The following PIEZO2 variants were observed in gnomAD, a reference collection of about 807,000 sequenced individuals.
The protein encoded by PIEZO2 is piezo-type mechanosensitive ion channel component 2.
In PIEZO2, 172 loss-of-function variants were observed where a neutral mutation model predicts 337.3. The observed-to-expected ratio is 0.51, with a 90% CI of 0.45 to 0.58. The LOEUF is 0.58. Ranked by LOEUF, PIEZO2 falls within the 20% of genes least tolerant of loss-of-function variation. The probability of loss-of-function intolerance (pLI) is 0.00; values close to 1 mark genes in which losing one functional copy is unlikely to be tolerated. For missense variants in PIEZO2, 3,028 were observed against 3,391.3 expected (o/e 0.89, Z 2.66); for synonymous variants, 1,251 against 1,228.5 (o/e 1.02, Z -0.38).
At chr18:10,714,660 T>C in intron 39 of PIEZO2, 104 bp downstream of exon 39, 1 of 1,327,378 alleles carries the variant, frequency 7.5e-7, no homozygotes, top group Non-Finnish European at 1.0e-6. Flanking sequence ...GGTCCATGCA[T>C]GGTTTTGATG....
chr18:11,144,762 G>A (rs553205237), intron 1 of PIEZO2, among the ~76,000 whole-genome samples: 17 of 152,280 alleles, frequency 1.1e-4, no homozygotes, highest in African/African-American at 4.1e-4. Flanking sequence ...CCTAAGCTCT[G>A]ATTGCCTGTT....
In PIEZO2 at chr18:10,973,803, A is replaced by T. The variant is rs1197940447; in HGVS notation, c.286+5732T>A. On this transcript the variant is annotated intron_variant, in intron 3 of 55. Coordinates refer to ENST00000674853, the MANE Select transcript of PIEZO2 (RefSeq NM_001378183.1). This position sits in a 1 kb window ranked among gnomAD's most constrained non-coding sequence, Gnocchi z 4.9. ...CAGCCAAGAGTGGTTTCAAAAAATG[A>T]CTCAGAACATGCAGGGTGTGAGTTT... 6.6e-6 allele frequency among the ~76,000 whole-genome samples: 1 copy of T among 152,152 alleles called. No individual in the cohort carries two copies. The highest frequency in any genetic ancestry group is 1.9e-4 in the East Asian group (1 of 5,194).
At chr18:10,907,026 T>A (rs2030001375) in intron 4 of PIEZO2, among the ~76,000 whole-genome samples, 1 of 152,210 alleles carries the variant, frequency 6.6e-6, no homozygotes, top group Non-Finnish European at 1.5e-5. Context: ...AACTTTGAAA[T>A]TTTATAATTT....
chr18:10,942,695 A>T lies in PIEZO2; in HGVS notation c.287-31467T>A, dbSNP rs932127591. ...CATTTTCTGTGGAGAAAATCAAGCC[A>T]CCTGCAGAAATTTGCATAAGTAATG... On this transcript the variant is annotated intron_variant, in intron 3 of 55. Coordinates refer to ENST00000674853, the MANE Select transcript of PIEZO2 (RefSeq NM_001378183.1). This position sits in a 1 kb window ranked among gnomAD's most constrained non-coding sequence, Gnocchi z 4.4. Among the ~76,000 whole-genome samples, 1 of 152,206 alleles carries T rather than the reference A, an allele frequency of 6.6e-6. No homozygotes were observed. Among genetic ancestry groups the T allele is most frequent in the Non-Finnish European group, 1.5e-5 (1 of 68,036 alleles).
chr18:10,831,800 T>C (rs1164484247), intron 7 of PIEZO2, among the ~76,000 whole-genome samples: 1 of 152,034 alleles, frequency 6.6e-6, no homozygotes, highest in African/African-American at 2.4e-5. Context: ...CCCACAAAAA[T>C]TAAAAATGAA....
chr18:11,014,890 T>G (rs2036053225), intron 2 of PIEZO2, among the ~76,000 whole-genome samples: 1 of 109,756 alleles, frequency 9.1e-6, no homozygotes, highest in Non-Finnish European at 1.8e-5. Flanking sequence ...CATTCCTCAG[T>G]GTGGGGAAGA....
rs547022265 is a variant in PIEZO2 at position 11,028,203 on chromosome 18, T to C, written c.160+37924A>G. On this transcript the variant is annotated intron_variant, in intron 2 of 55. Coordinates refer to ENST00000674853, the MANE Select transcript of PIEZO2 (RefSeq NM_001378183.1). The surrounding 1 kb of genome is among the most constrained non-coding windows in gnomAD (Gnocchi z 4.8). The stretch of plus-strand genomic sequence containing the variant: ...AAATGCAAGTAAGGAAGCTAGGCTT[T>C]TCTGTACATCGCCTTCTTTCTTTTC... Among the ~76,000 whole-genome samples the C allele has an allele frequency of 6.6e-6, 1 of 152,272 alleles. No homozygotes were observed. The highest frequency in any genetic ancestry group is 1.5e-5 in the Non-Finnish European group (1 of 68,034).
intron 13 of PIEZO2, among the ~76,000 whole-genome samples, chr18:10,792,147 C>T (rs1249317528): frequency 6.6e-6 from 1 of 152,146 alleles, no homozygotes; most frequent in African/African-American, 2.4e-5. Context: ...CGGGGTTTCA[C>T]CATGTTAGCC....
chr18:10,926,909 A>G lies in PIEZO2; in HGVS notation c.287-15681T>C, dbSNP rs77006806. On this transcript the variant is annotated intron_variant, in intron 3 of 55. Transcript: ENST00000674853. ...AGTCCATTTCCTGAGGTTTTATCATATATGTCCAAGTAACTATGCAGTCTA... is the reference window on the plus strand; with the variant it reads ...AGTCCATTTCCTGAGGTTTTATCATGTATGTCCAAGTAACTATGCAGTCTA... Among the ~76,000 whole-genome samples, 1,239 of 152,356 alleles carry G rather than the reference A, an allele frequency of 8.1e-3. 26 individuals are homozygous for G. Among genetic ancestry groups the G allele is most frequent in the African/African-American group, 0.028 (1,150 of 41,578 alleles).
intron 7 of PIEZO2, among the ~76,000 whole-genome samples, chr18:10,840,959 A>C (rs1310631853): frequency 2.0e-5 from 3 of 152,224 alleles, no homozygotes; most frequent in Non-Finnish European, 4.4e-5. Flanking sequence ...ATATGAGGAG[A>C]GCCATATGCA....
intron 2 of PIEZO2, among the ~76,000 whole-genome samples, chr18:11,057,620 C>T (rs576319452): frequency 1.5e-3 from 222 of 152,230 alleles, no homozygotes; most frequent in Non-Finnish European, 2.7e-3. Flanking sequence ...TTCCCAGGGC[C>T]GCAGATAGCT....
At position 10,775,225 on chromosome 18, in the gene PIEZO2, T is replaced by C. The variant is rs1225589053; in HGVS notation, c.2535-1187A>G. 1.3e-5 allele frequency among the ~76,000 whole-genome samples: 2 copies of C among 152,338 alleles called. No individual in the cohort carries two copies. The highest frequency in any genetic ancestry group is 3.9e-4 in the East Asian group (2 of 5,182). On this transcript the variant is annotated intron_variant, in intron 18 of 55. Transcript: ENST00000674853. The surrounding 1 kb of genome is among the most constrained non-coding windows in gnomAD (Gnocchi z 4.3). ...TTCCTAAGCTAGTCAATTCATCCTC[T>C]CGACTTTGGAGAAGTTAGCTACTCT...
Position 10,979,771 on chromosome 18 carries a change from T to C in PIEZO2, c.161-111A>G. On this transcript the variant is annotated intron_variant, in intron 2 of 55. Transcript: ENST00000674853. The surrounding 1 kb of genome is among the most constrained non-coding windows in gnomAD (Gnocchi z 4.0). ...TATTAGATAGACCGACTCAAAAGTATATGGAATGTAATAATTATCATCTTA... is the reference window on the plus strand; with the variant it reads ...TATTAGATAGACCGACTCAAAAGTACATGGAATGTAATAATTATCATCTTA... 2.1e-6 allele frequency: 2 copies of C among 938,656 alleles called. No individual in the cohort carries two copies. Among genetic ancestry groups the C allele is most frequent in the Non-Finnish European group, 2.9e-6 (2 of 696,032 alleles). 58.1% of individuals were successfully genotyped at this position (938,656 alleles called of 1,614,324 possible).
At chr18:10,902,776 AG>A in intron 4 of PIEZO2, among the ~76,000 whole-genome samples, 1 of 152,304 alleles carries the variant, frequency 6.6e-6, no homozygotes, top group South Asian at 2.1e-4. Flanking sequence ...CCCTGAACAG[AG>A]GGCTTGGGTG....
At chr18:11,059,085 G>T (rs917125813) in intron 2 of PIEZO2, among the ~76,000 whole-genome samples, 3 of 152,202 alleles carry the variant, frequency 2.0e-5, no homozygotes, top group Non-Finnish European at 4.4e-5. Context: ...AGCCAGAAGA[G>T]AGTGGGGGCC....
At chr18:10,951,040 A>G (rs2033270008) in intron 3 of PIEZO2, among the ~76,000 whole-genome samples, 1 of 152,176 alleles carries the variant, frequency 6.6e-6, no homozygotes, top group African/African-American at 2.4e-5. Context: ...CAGGGCACAC[A>G]ACATTGCTCC....
chr18:11,091,051 A>G (rs2039071232), intron 1 of PIEZO2, among the ~76,000 whole-genome samples: 1 of 152,170 alleles, frequency 6.6e-6, no homozygotes, highest in South Asian at 2.1e-4. Context: ...ATGCTAGTGT[A>G]TATGAAATGT....
rs367588890 is a variant in PIEZO2 at position 10,973,665 on chromosome 18, GAGA to G, written c.286+5867_286+5869del. Among the ~76,000 whole-genome samples, 61 of 152,298 alleles carry G rather than the reference GAGA, an allele frequency of 4.0e-4. No individual in the cohort carries two copies. In the South Asian group the frequency reaches 0.011, roughly 28 times the overall value. On this transcript the variant is annotated intron_variant, in intron 3 of 55. Transcript: ENST00000674853. This position sits in a 1 kb window ranked among gnomAD's most constrained non-coding sequence, Gnocchi z 4.9. ...TGCTTTCAGGAAGCTGGCCCGAGGA[GAGA>G]AGAAGGCTGTGTGTTGTGCCTGAAT...
At position 10,870,371 on chromosome 18, in the gene PIEZO2, T is replaced by G. The variant is rs2042110714; in HGVS notation, c.492+882A>C. Among the ~76,000 whole-genome samples, 1 of 152,124 alleles carries G rather than the reference T, an allele frequency of 6.6e-6. No individual in the cohort carries two copies. Among genetic ancestry groups the G allele is most frequent in the African/African-American group, 2.4e-5 (1 of 41,458 alleles). On this transcript the variant is annotated intron_variant, in intron 5 of 55. Coordinates refer to ENST00000674853, the MANE Select transcript of PIEZO2 (RefSeq NM_001378183.1). This position sits in a 1 kb window ranked among gnomAD's most constrained non-coding sequence, Gnocchi z 5.3. ...AAGTAACTTCAATTAACTTCAGTTT[T>G]ATAAGTGTAATATCTTGCCAAAGCT...
Sources: gnomAD v4.1 joint callset for allele counts (sites outside exome capture counted in the v4.1 genomes callset) on GRCh38, gnomAD v4.1.1 for gene constraint, Gnocchi (gnomAD v3.1) non-coding constraint, MANE v1.5 for transcripts, NCBI Gene and HGNC (gene_info 2026-07-23, HGNC 2026-07-21) for gene names.